ADGRV1: variants seen among roughly 807,000 people sequenced by gnomAD.
ADGRV1 encodes the protein adhesion G protein-coupled receptor V1.
ADGRV1 carries 359 observed loss-of-function variants against 596.2 expected under a neutral mutation model. That is an observed-to-expected ratio of 0.60 (90% CI 0.55 to 0.66). The LOEUF (loss-of-function observed/expected upper bound fraction) is 0.66, where lower values mean the gene tolerates loss of function less well. ADGRV1 is among the 30% of genes least tolerant of loss of function. The probability of loss-of-function intolerance (pLI) is 0.00; values close to 1 mark genes in which losing one functional copy is unlikely to be tolerated. For missense variants in ADGRV1, 7,274 were observed against 7,575.6 expected (o/e 0.96, Z 1.48); for synonymous variants, 2,681 against 2,679.2 (o/e 1.00, Z -0.02).
chr5:90,953,539 G>A (rs1379530777), intron 83 of ADGRV1, among the ~76,000 whole-genome samples: 3 of 151,802 alleles, frequency 2.0e-5, no homozygotes, highest in Admixed American at 6.6e-5. Context: ...ATCAGTTTGC[G>A]AGTTTTTTGT....
At chr5:90,805,061 C>T (rs1006055632) in intron 71 of ADGRV1, 7 of 344,196 alleles carry the variant, frequency 2.0e-5, no homozygotes, top group African/African-American at 6.3e-5. Context: ...CAAAAGATAA[C>T]GTTTTGATTA....
chr5:90,834,428 G>A (rs1434934736), intron 77 of ADGRV1, among the ~76,000 whole-genome samples: 3 of 152,100 alleles, frequency 2.0e-5, no homozygotes, highest in Non-Finnish European at 4.4e-5. Flanking sequence ...TGGGATAAAA[G>A]TTTCTTCAGC....
intron 78 of ADGRV1, among the ~76,000 whole-genome samples, chr5:90,848,244 A>G (rs1237270928): frequency 1.3e-5 from 2 of 152,194 alleles, no homozygotes; most frequent in Non-Finnish European, 2.9e-5. Flanking sequence ...ATAAACAAAT[A>G]TTCTTGAGGT....
chr5:91,035,721 T>C (rs1341605645), intron 85 of ADGRV1, among the ~76,000 whole-genome samples: 1 of 151,112 alleles, frequency 6.6e-6, no homozygotes, highest in Non-Finnish European at 1.5e-5. Context: ...TACTAGCTGG[T>C]GTGACCTTAG....
At chr5:90,686,118 A>C in intron 29 of ADGRV1, 123 bp downstream of exon 29, 1 of 352,118 alleles carries the variant, frequency 2.8e-6, no homozygotes, top group Non-Finnish European at 4.4e-6. Flanking sequence ...AACTAGAAAT[A>C]CTCTTGTATC....
intron 33 of ADGRV1, 54 bp from the exon 34 acceptor site, chr5:90,696,883 C>T: frequency 2.3e-6 from 3 of 1,318,256 alleles, no homozygotes; most frequent in Non-Finnish European, 3.2e-6. Flanking sequence ...TTTCTGAGTT[C>T]TCTGTGTTGG....
intron 77 of ADGRV1, among the ~76,000 whole-genome samples, chr5:90,837,821 T>C (rs1288465268): frequency 6.6e-6 from 1 of 152,192 alleles, no homozygotes; most frequent in Non-Finnish European, 1.5e-5. Flanking sequence ...TTCAGAAATT[T>C]AACTTTATCT....
chr5:90,960,524 T>C lies in ADGRV1; in HGVS notation c.17857-4891T>C, dbSNP rs533872997. ...AGTTTTCGAAGACATTAAAATTAAT[T>C]TTATTTAAAACGAGATTTATAAGAA... On this transcript the variant is annotated intron_variant, in intron 83 of 89. Transcript: ENST00000405460. Among the ~76,000 whole-genome samples the C allele has an allele frequency of 1.5e-3, 234 of 152,298 alleles. 1 individual carries two copies. The highest frequency in any genetic ancestry group is 5.3e-3 in the African/African-American group (222 of 41,566).
intron 57 of ADGRV1, 114 bp from the exon 58 acceptor site, chr5:90,759,293 TAA>T (rs1302867952): frequency 2.6e-6 from 2 of 779,004 alleles, no homozygotes; most frequent in Non-Finnish European, 4.0e-6. Context: ...TGGTTTCAAC[TAA>T]AAAATTAAAA....
At chr5:90,823,222 C>A (rs1763754783) in intron 75 of ADGRV1, among the ~76,000 whole-genome samples, 1 of 152,116 alleles carries the variant, frequency 6.6e-6, no homozygotes, top group Non-Finnish European at 1.5e-5. Context: ...ACCACATAAG[C>A]CCTGAGGCTT....
chr5:90,821,186 C>G (rs1294349867), intron 75 of ADGRV1, among the ~76,000 whole-genome samples: 1 of 151,230 alleles, frequency 6.6e-6, no homozygotes, highest in African/African-American at 2.4e-5. Flanking sequence ...TTGCTGATAC[C>G]CTTTCTTCCA....
At chr5:91,156,740 A>G (rs897552751) in intron 89 of ADGRV1, among the ~76,000 whole-genome samples, 1 of 152,126 alleles carries the variant, frequency 6.6e-6, no homozygotes, top group Admixed American at 6.5e-5. Context: ...GGTTCCCTAT[A>G]TTTTTAGAAA....
intron 78 of ADGRV1, among the ~76,000 whole-genome samples, chr5:90,846,951 A>G (rs529826930): frequency 6.6e-6 from 1 of 152,200 alleles, no homozygotes; most frequent in African/African-American, 2.4e-5. Flanking sequence ...CCATGTCCCC[A>G]CTAGATTAGC....
chr5:91,124,074 A>G (rs1396562287), intron 87 of ADGRV1, among the ~76,000 whole-genome samples: 2 of 152,172 alleles, frequency 1.3e-5, no homozygotes, highest in Non-Finnish European at 2.9e-5. Flanking sequence ...GGGTAGAAGG[A>G]AGCCAGGGAG....
intron 85 of ADGRV1, among the ~76,000 whole-genome samples, chr5:91,063,995 T>G (rs1787672273): frequency 6.6e-6 from 1 of 152,218 alleles, no homozygotes; most frequent in African/African-American, 2.4e-5. Context: ...TTAGGCATCT[T>G]TATATGCCCT....
At chr5:90,921,547 T>C (rs2150740306) in intron 83 of ADGRV1, among the ~76,000 whole-genome samples, 1 of 152,300 alleles carries the variant, frequency 6.6e-6, no homozygotes, top group African/African-American at 2.4e-5. Flanking sequence ...TTTATTATCA[T>C]CTCCCCAGAG....
intron 83 of ADGRV1, among the ~76,000 whole-genome samples, chr5:90,954,809 G>A (rs1777333936): frequency 6.6e-6 from 1 of 152,042 alleles, no homozygotes; most frequent in African/African-American, 2.4e-5. Flanking sequence ...GTAGTTTTGT[G>A]GCTTAGGAAG....
At chr5:91,097,113 C>A (rs1187656624) in intron 86 of ADGRV1, among the ~76,000 whole-genome samples, 1 of 152,174 alleles carries the variant, frequency 6.6e-6, no homozygotes, top group Admixed American at 6.5e-5. Flanking sequence ...AGGTAGCTTA[C>A]AAACAGCAAA....
Position 90,745,714 on chromosome 5 carries a change from A to T in ADGRV1, c.10893A>T (p.Gly3631=), listed in dbSNP as rs1339817197. The T allele has an allele frequency of 6.2e-7, 1 of 1,612,198 alleles. No individual in the cohort carries two copies. Among genetic ancestry groups the T allele is most frequent in the Admixed American group, 1.7e-5 (1 of 60,022 alleles). ...TTCAACTTAAAAATCCCAAAGGAGG[A>T]GCAGAGATTGGCATTAATGATTCTG... ...FKVQLKNPKG[G]AEIGINDSVT... The change falls in exon 52 of 90, where the codon GGA becomes GGT. Residue 3631 remains glycine, a synonymous_variant. Coordinates refer to ENST00000405460, the MANE Select transcript of ADGRV1 (RefSeq NM_032119.4).
Sources: allele counts gnomAD v4.1 joint callset (sites outside exome capture counted in the v4.1 genomes callset), GRCh38; gene constraint gnomAD v4.1.1; transcripts MANE v1.5; gene names NCBI Gene and HGNC (gene_info 2026-07-23, HGNC 2026-07-21).